The following NF1 variants were observed in gnomAD, a reference collection of about 807,000 sequenced individuals.
NF1 encodes the protein neurofibromin.
NF1 carries 122 observed loss-of-function variants against 325.7 expected under a neutral mutation model. The observed-to-expected ratio is 0.37, with a 90% CI of 0.32 to 0.44. NF1 has a LOEUF of 0.44. NF1 is among the 20% of genes least tolerant of loss of function. The probability of loss-of-function intolerance (pLI) is 1.00; values close to 1 mark genes in which losing one functional copy is unlikely to be tolerated. For synonymous variants in NF1, 1,091 were observed against 1,186.0 expected (o/e 0.92, Z 1.65); for missense variants, 2,140 against 3,415.4 (o/e 0.63, Z 9.31).
intron 27 of NF1, among the ~76,000 whole-genome samples, chr17:31,234,653 A>T (rs1487196766): frequency 7.0e-6 from 1 of 143,482 alleles, no homozygotes; most frequent in African/African-American, 2.6e-5. Flanking sequence ...CCTGGGCGAC[A>T]GAGCGAGACT....
chr17:31,152,601 C>T (rs1483813004), intron 1 of NF1, among the ~76,000 whole-genome samples: 2 of 148,824 alleles, frequency 1.3e-5, no homozygotes, highest in African/African-American at 5.0e-5. Context: ...TTAATTTACT[C>T]TTATGTATCT....
rs1555608742 is a variant in NF1, at chr17:31,181,735, A to T, written c.680A>T (p.Tyr227Phe). 2.5e-6 allele frequency: 4 copies of T among 1,609,942 alleles called. No individual in the cohort carries two copies. Among genetic ancestry groups the T allele is most frequent in the Non-Finnish European group, 3.4e-6 (4 of 1,176,526 alleles). The change falls in exon 7 of 58, where the codon TAT (tyrosine) becomes TTT (phenylalanine). Residue 227 changes from tyrosine (Y) to phenylalanine (F), a missense_variant. By Grantham distance (22) the Tyr-to-Phe change is conservative. Coordinates refer to ENST00000358273, the MANE Select transcript of NF1 (RefSeq NM_001042492.3). ...EKAFWNWVEN[Y>F]PDEFTKLYQI... ...GCATTTTGGAACTGGGTAGAAAATT[A>T]TCCAGATGAATTTACAAAACTGTAC... is the stretch of plus-strand genomic sequence containing the variant.
At chr17:31,308,410 G>A (rs992391748) in intron 36 of NF1, among the ~76,000 whole-genome samples, 1 of 151,986 alleles carries the variant, frequency 6.6e-6, no homozygotes, top group African/African-American at 2.4e-5. Flanking sequence ...CAAAATGCTG[G>A]GATTACAGGC....
chr17:31,160,442 G>A (rs1166760219), intron 3 of NF1, among the ~76,000 whole-genome samples: 1 of 152,126 alleles, frequency 6.6e-6, no homozygotes, highest in African/African-American at 2.4e-5. Context: ...CCAAAATTGT[G>A]GAGACAGTGT....
chr17:31,320,617 T>G (rs2069161565), intron 36 of NF1: 3 of 482,920 alleles, frequency 6.2e-6, no homozygotes, highest in Admixed American at 6.9e-5. Flanking sequence ...TATTTCATAT[T>G]AATAGTAGGG....
chr17:31,337,941 A>G, intron 44 of NF1, 61 bp downstream of exon 44: 1 of 1,505,046 alleles, frequency 6.6e-7, no homozygotes, highest in Non-Finnish European at 9.2e-7. Flanking sequence ...TACAGCTATT[A>G]CTGTATGATC....
intron 1 of NF1, among the ~76,000 whole-genome samples, chr17:31,114,110 GC>G (rs1464648713): frequency 6.6e-6 from 1 of 152,144 alleles, no homozygotes; most frequent in Admixed American, 6.5e-5. Context: ...TTATAAACTT[GC>G]CCGTTTCCCT....
At position 31,235,968 on chromosome 17, in the gene NF1, T is replaced by G. The variant is rs876660805; in HGVS notation, c.3921T>G (p.Ile1307Met). The part of the protein sequence containing the change: ...LQKLLDPLLR[I>M]VITSSDWQHV... Reference sequence around the variant, plus strand: ...AACTCCTGGATCCTTTATTACGAATTGTGATCACATCCTCTGATTGGCAAC... The same window carrying G: ...AACTCCTGGATCCTTTATTACGAATGGTGATCACATCCTCTGATTGGCAAC... The change falls in exon 29 of 58, where the codon ATT (isoleucine) becomes ATG (methionine). Residue 1307 changes from isoleucine (I) to methionine (M), a missense_variant. Transcript: ENST00000358273. The G allele has an allele frequency of 6.2e-7, 1 of 1,614,130 alleles. No homozygotes were observed. Among genetic ancestry groups the G allele is most frequent in the Non-Finnish European group, 8.5e-7 (1 of 1,179,992 alleles).
intron 1 of NF1, among the ~76,000 whole-genome samples, chr17:31,129,874 T>C (rs1272617453): frequency 6.6e-6 from 1 of 152,162 alleles, no homozygotes; most frequent in East Asian, 1.9e-4. Context: ...ATCTCAATGA[T>C]TTTCATTCCT....
intron 46 of NF1, among the ~76,000 whole-genome samples, chr17:31,339,893 T>C (rs919373173): frequency 2.0e-5 from 3 of 152,156 alleles, no homozygotes; most frequent in Non-Finnish European, 4.4e-5. Flanking sequence ...GGGAGAGAGC[T>C]GCACAAGAAT....
intron 1 of NF1, among the ~76,000 whole-genome samples, chr17:31,098,934 A>G (rs940401935): frequency 3.2e-5 from 1 of 30,892 alleles, no homozygotes; most frequent in Admixed American, 3.6e-4. Flanking sequence ...TCCATCTCAG[A>G]AAAAAAAAAA....
At chr17:31,217,665 C>G (rs1298405806) in intron 13 of NF1, among the ~76,000 whole-genome samples, 2 of 151,802 alleles carry the variant, frequency 1.3e-5, no homozygotes, top group Non-Finnish European at 1.5e-5. Context: ...ATTTTAGTCT[C>G]TAAATAGGTA....
At position 31,209,450 on chromosome 17, in the gene NF1, A is replaced by G. The variant is rs73273588; in HGVS notation, c.1392+3079A>G. 7.8e-3 allele frequency among the ~76,000 whole-genome samples: 1,193 copies of G among 152,340 alleles called. 20 individuals are homozygous for G. The highest frequency in any genetic ancestry group is 0.027 in the African/African-American group (1,143 of 41,570). On this transcript the variant is annotated intron_variant, in intron 12 of 57. Transcript: ENST00000358273. ...TTTGAAAATTTTCTCTTCGACCAAG[A>G]TAGAATCATGTCTCTGTCACTTACA...
intron 36 of NF1, among the ~76,000 whole-genome samples, chr17:31,286,399 T>C (rs2068228397): frequency 6.6e-6 from 1 of 152,200 alleles, no homozygotes; most frequent in Non-Finnish European, 1.5e-5. Context: ...TATTTTAATA[T>C]GTTTTAAAGA....
At chr17:31,251,201 C>A (rs1277930382) in intron 30 of NF1, 1 of 203,764 alleles carries the variant, frequency 4.9e-6, no homozygotes, top group African/African-American at 2.3e-5. Context: ...TTTCTTGCCC[C>A]TTTGCCTTTG....
At position 31,226,460 on chromosome 17, in the gene NF1, C is replaced by G. The variant is rs1294581001; in HGVS notation, c.2027C>G (p.Thr676Ser). 1 of 1,613,272 alleles carries G rather than the reference C, an allele frequency of 6.2e-7. No homozygotes were observed. The highest frequency in any genetic ancestry group is 8.5e-7 in the Non-Finnish European group (1 of 1,179,636). The change falls in exon 18 of 58, where the codon ACC becomes AGC. Residue 676 changes from threonine to serine, a missense_variant. Physicochemically the swap from Thr to Ser is moderately conservative, Grantham distance 58. This residue lies in a region of NF1 where 380 missense variants were observed against 639.3 expected (regional missense o/e 0.59). Transcript: ENST00000358273. Reference sequence around the variant, plus strand: ...GATAGTGCAGCAGGATGCAGCGGAACCCCCCCGATTTGCCGACAAGCCCAG... The same window carrying G: ...GATAGTGCAGCAGGATGCAGCGGAAGCCCCCCGATTTGCCGACAAGCCCAG... ...SMDSAAGCSG[T>S]PPICRQAQTK...
chr17:31,237,145 A>G (rs909321325), intron 29 of NF1, among the ~76,000 whole-genome samples: 3 of 152,228 alleles, frequency 2.0e-5, no homozygotes, highest in African/African-American at 7.2e-5. Context: ...TTATTTAGCA[A>G]CTGTGTATCA....
chr17:31,357,370 G>GT lies in NF1; in HGVS notation c.7970+2dup, dbSNP rs1597867039. On this transcript the variant is annotated splice_donor_variant, in intron 54 of 57. Transcript: ENST00000358273. LOFTEE classifies it high-confidence loss of function. ...TGTTTCCCAAAGTCTTTCCTGTTGT[G>GT]TAAGTATCTCCTTTTGATTTTAATT... 1 of 1,606,700 alleles carries GT rather than the reference G, an allele frequency of 6.2e-7. No individual in the cohort carries two copies. Among genetic ancestry groups the GT allele is most frequent in the Non-Finnish European group, 8.5e-7 (1 of 1,173,348 alleles).
intron 39 of NF1, among the ~76,000 whole-genome samples, chr17:31,334,185 A>G: frequency 7.4e-6 from 1 of 134,382 alleles, no homozygotes; most frequent in East Asian, 2.1e-4. Flanking sequence ...GCTACTCGGG[A>G]GGCTGAGGCA....
Sources: allele counts gnomAD v4.1 joint callset (sites outside exome capture counted in the v4.1 genomes callset), GRCh38; gene constraint gnomAD v4.1.1; regional missense constraint gnomAD v4.1.1; transcripts MANE v1.5; gene names NCBI Gene and HGNC (gene_info 2026-07-23, HGNC 2026-07-21).